MYO18B: variants seen among roughly 807,000 people sequenced by gnomAD.
MYO18B encodes unconventional myosin-XVIIIb.
MYO18B carries 204 observed loss-of-function variants against 273.0 expected under a neutral mutation model. That is an observed-to-expected ratio of 0.75 (90% CI 0.67 to 0.84). The LOEUF (loss-of-function observed/expected upper bound fraction) is 0.84, where lower values mean the gene tolerates loss of function less well. MYO18B is among the 40% of genes least tolerant of loss of function. MYO18B has a pLI of 0.00. For missense variants in MYO18B, 3,212 were observed against 3,287.6 expected, an observed-to-expected ratio of 0.98 and a Z score of 0.56; for synonymous variants, 1,330 against 1,305.7, an observed-to-expected ratio of 1.02 and a Z score of -0.40.
intron 24 of MYO18B, among the ~76,000 whole-genome samples, chr22:25,877,669 T>G (rs562938980): frequency 1.3e-5 from 2 of 152,108 alleles, no homozygotes; most frequent in Non-Finnish European, 2.9e-5. Context: ...GGTTTCTCCA[T>G]GTTGGTCAGG....
intron 13 of MYO18B, among the ~76,000 whole-genome samples, chr22:25,825,761 C>A (rs1454634276): frequency 6.6e-6 from 1 of 152,134 alleles, no homozygotes; most frequent in Non-Finnish European, 1.5e-5. Flanking sequence ...CCAATTTAAT[C>A]AACAATTGGA....
chr22:25,870,830 C>T (rs755295627), intron 22 of MYO18B, among the ~76,000 whole-genome samples: 1 of 152,110 alleles, frequency 6.6e-6, no homozygotes, highest in African/African-American at 2.4e-5. Context: ...GTCTGAGAAC[C>T]ACTGGTCTAG....
intron 36 of MYO18B, 28 bp from the exon 37 acceptor site, chr22:25,950,338 TA>T (rs1487803893): frequency 2.0e-6 from 3 of 1,480,232 alleles, no homozygotes; most frequent in Non-Finnish European, 2.7e-6. Flanking sequence ...CAGGGTGATA[TA>T]TATACATTTT....
At chr22:25,808,864 A>G (rs1002594840) in intron 12 of MYO18B, among the ~76,000 whole-genome samples, 7 of 152,148 alleles carry the variant, frequency 4.6e-5, no homozygotes, top group Non-Finnish European at 8.8e-5. Context: ...TGTCATTGCT[A>G]TCATTGGCAT....
chr22:25,768,929 A>G lies in MYO18B; in HGVS notation c.1013A>G (p.Glu338Gly). Reference sequence around the variant, plus strand: ...GGTCCCCAGAATAAGAAGGACAAAGAAGGGGTGCTCTTAAGTAAGGCAGAG... The same window carrying G: ...GGTCCCCAGAATAAGAAGGACAAAGGAGGGGTGCTCTTAAGTAAGGCAGAG... ...WDGPQNKKDK[E>G]GVLLSKAEKT... The change falls in exon 4 of 44, where the codon GAA (glutamate) becomes GGA (glycine). Residue 338 changes from glutamate to glycine, a missense_variant. Coordinates refer to ENST00000335473, the MANE Select transcript of MYO18B (RefSeq NM_032608.7). The G allele has an allele frequency of 6.2e-7, 1 of 1,612,538 alleles. No individual in the cohort carries two copies. Among genetic ancestry groups the G allele is most frequent in the Non-Finnish European group, 8.5e-7 (1 of 1,179,318 alleles).
chr22:25,758,095 C>A (rs1240374498), intron 1 of MYO18B, among the ~76,000 whole-genome samples: 2 of 152,140 alleles, frequency 1.3e-5, no homozygotes, highest in African/African-American at 2.4e-5. Flanking sequence ...CTTACTGCAA[C>A]CTCCGCCTCC....
chr22:26,031,667 AG>A (rs1008887511), downstream of MYO18B, among the ~76,000 whole-genome samples: 1 of 152,202 alleles, frequency 6.6e-6, no homozygotes, highest in African/African-American at 2.4e-5. Flanking sequence ...ATAACTGGTA[AG>A]GTCACTCCAA....
At chr22:25,827,057 C>T (rs2089520654) in intron 14 of MYO18B, among the ~76,000 whole-genome samples, 1 of 152,132 alleles carries the variant, frequency 6.6e-6, no homozygotes, top group South Asian at 2.1e-4. Context: ...GCGAGACTCT[C>T]TCAAAACAAA....
intron 7 of MYO18B, among the ~76,000 whole-genome samples, chr22:25,773,319 A>C (rs1309737173): frequency 6.6e-6 from 1 of 152,172 alleles, no homozygotes; most frequent in Non-Finnish European, 1.5e-5. Context: ...ACAGTCCATC[A>C]ACAATAAAGA....
intron 11 of MYO18B, among the ~76,000 whole-genome samples, chr22:25,795,266 GC>G (rs755052675): frequency 6.6e-6 from 1 of 152,206 alleles, no homozygotes; most frequent in East Asian, 1.9e-4. Flanking sequence ...AGGGCACTCT[GC>G]AGAGGTGTTT....
At chr22:25,949,872 TA>T (rs1034865247) in intron 36 of MYO18B, among the ~76,000 whole-genome samples, 1 of 151,928 alleles carries the variant, frequency 6.6e-6, no homozygotes, top group South Asian at 2.1e-4. Context: ...GGTTCTATTT[TA>T]AAAAAAACCT....
intron 31 of MYO18B, among the ~76,000 whole-genome samples, chr22:25,904,244 C>T (rs1006333186): frequency 1.3e-5 from 2 of 152,162 alleles, no homozygotes; most frequent in African/African-American, 4.8e-5. Context: ...CTTCTTAGTG[C>T]AATCCTAGAG....
At chr22:25,913,360 T>TTTTCG (rs2092197420) in intron 33 of MYO18B, among the ~76,000 whole-genome samples, 1 of 2,540 alleles carries the variant, frequency 3.9e-4, no homozygotes. Context: ...GATTGTGGCT[T>TTTTCG]TTTCTTTTCT....
intron 12 of MYO18B, among the ~76,000 whole-genome samples, chr22:25,807,392 A>C (rs539891055): frequency 3.9e-5 from 6 of 152,334 alleles, no homozygotes; most frequent in African/African-American, 1.4e-4. Context: ...CTGCTGAAGG[A>C]ATCAGCCCCA....
intron 39 of MYO18B, among the ~76,000 whole-genome samples, chr22:25,990,350 G>A (rs894407444): frequency 1.3e-5 from 2 of 151,986 alleles, no homozygotes; most frequent in African/African-American, 2.4e-5. Flanking sequence ...GAGTGACCTC[G>A]CTGACTGACC....
At chr22:26,051,568 G>T in the MYO18B span, among the ~76,000 whole-genome samples, 6 of 152,280 alleles carry the variant, frequency 3.9e-5, no homozygotes, top group Non-Finnish European at 8.8e-5. Context: ...GTCTCCAAGT[G>T]AGTGCAATTT....
intron 17 of MYO18B, among the ~76,000 whole-genome samples, chr22:25,836,962 CAA>C (rs1167721882): frequency 1.7e-5 from 2 of 116,728 alleles, no homozygotes; most frequent in Non-Finnish European, 3.6e-5. Flanking sequence ...AATTCCATCT[CAA>C]AATAATAATA....
At position 25,792,948 on chromosome 22, in the gene MYO18B, G is replaced by C. The variant is rs1871101405; in HGVS notation, c.2377-5005G>C. ...TGTGTGCTCTGTGTGTCATCTCTTT[G>C]CACACCTGTCCCCTTCAGTGGACTG... On this transcript the variant is annotated intron_variant, in intron 11 of 43. Coordinates refer to ENST00000335473, the MANE Select transcript of MYO18B (RefSeq NM_032608.7). Among the ~76,000 whole-genome samples, 4 of 152,190 alleles carry C rather than the reference G, an allele frequency of 2.6e-5. No individual in the cohort carries two copies. The South Asian group carries it at 8.3e-4, about 31-fold the overall frequency.
At chr22:25,884,592 TCTGA>T (rs1223798668) in intron 25 of MYO18B, 2 of 152,230 alleles carry the variant, frequency 1.3e-5, no homozygotes, top group Admixed American at 1.3e-4. Context: ...GTGTATTCTT[TCTGA>T]CTGTGTGCCT....
Sources: gnomAD v4.1 joint callset for allele counts (sites outside exome capture counted in the v4.1 genomes callset) on GRCh38, gnomAD v4.1.1 for gene constraint, MANE v1.5 for transcripts, NCBI Gene and HGNC (gene_info 2026-07-23, HGNC 2026-07-21) for gene names.